ELMO1: variants seen among roughly 807,000 people sequenced by gnomAD.
The protein encoded by ELMO1 is engulfment and cell motility 1.
ELMO1 carries 26 observed loss-of-function variants against 98.9 expected under a neutral mutation model. That is an observed-to-expected ratio of 0.26 (90% CI 0.19 to 0.36). The LOEUF (loss-of-function observed/expected upper bound fraction) is 0.36. ELMO1 is among the 10% of genes least tolerant of loss of function. The probability of loss-of-function intolerance (pLI) is 1.00; values close to 1 mark genes in which losing one functional copy is unlikely to be tolerated. For missense variants in ELMO1, 627 were observed against 935.2 expected (o/e 0.67, Z 4.30); for synonymous variants, 346 against 346.0 (o/e 1.00, Z 0.00).
intron 1 of ELMO1, among the ~76,000 whole-genome samples, chr7:37,366,868 A>G (rs992359360): frequency 6.6e-6 from 1 of 152,256 alleles, no homozygotes; most frequent in Non-Finnish European, 1.5e-5. Context: ...ACAAGAGCGA[A>G]GCCCAGGATG....
chr7:36,931,794 G>A (rs894061244), intron 16 of ELMO1, among the ~76,000 whole-genome samples: 2 of 152,214 alleles, frequency 1.3e-5, no homozygotes, highest in African/African-American at 4.8e-5. Flanking sequence ...TTGGGCACAC[G>A]TGGAGGGAGA....
chr7:36,934,860 G>A (rs1786375134), intron 16 of ELMO1, among the ~76,000 whole-genome samples: 1 of 152,330 alleles, frequency 6.6e-6, no homozygotes, highest in Non-Finnish European at 1.5e-5. Context: ...TGTCCCCAAG[G>A]TCTAAGCCGA....
intron 8 of ELMO1, among the ~76,000 whole-genome samples, chr7:37,229,264 C>G (rs1417249972): frequency 6.6e-6 from 1 of 152,130 alleles, no homozygotes; most frequent in East Asian, 1.9e-4. Context: ...TAGGGAAAAA[C>G]CAACTCATAA....
intron 1 of ELMO1, among the ~76,000 whole-genome samples, chr7:37,440,677 G>C (rs1446938513): frequency 6.6e-6 from 1 of 150,464 alleles, no homozygotes; most frequent in African/African-American, 2.5e-5. Flanking sequence ...GCTGAGGCAG[G>C]AGAATCGCTT....
At chr7:37,017,519 T>TG (rs1344587571) in intron 15 of ELMO1, among the ~76,000 whole-genome samples, 1 of 152,228 alleles carries the variant, frequency 6.6e-6, no homozygotes, top group Non-Finnish European at 1.5e-5. Flanking sequence ...TGCTGGGCAC[T>TG]GTTCCCAGGA....
At chr7:37,218,723 GA>G (rs538416156) in intron 10 of ELMO1, among the ~76,000 whole-genome samples, 3 of 151,890 alleles carry the variant, frequency 2.0e-5, no homozygotes, top group Admixed American at 1.3e-4. Context: ...CACATTTGGT[GA>G]AAAAAAATGA....
intron 6 of ELMO1, among the ~76,000 whole-genome samples, chr7:37,245,062 C>A (rs1241530509): frequency 2.0e-5 from 3 of 152,204 alleles, no homozygotes; most frequent in African/African-American, 7.2e-5. Context: ...TCTGCCAAAT[C>A]TCTCTGGCTT....
intron 10 of ELMO1, chr7:37,217,667 A>G (rs767263324): frequency 8.8e-6 from 4 of 456,662 alleles, no homozygotes; most frequent in Non-Finnish European, 1.8e-5. Context: ...AGCACAGGAG[A>G]GCAGGGCCCA....
intron 13 of ELMO1, chr7:37,204,097 G>A (rs1360990244): frequency 5.5e-5 from 25 of 456,316 alleles, no homozygotes; most frequent in Admixed American, 3.3e-4. Context: ...AAAGGGGTCC[G>A]ACGGTACTCA....
intron 16 of ELMO1, among the ~76,000 whole-genome samples, chr7:36,937,891 AG>A (rs760987084): frequency 1.3e-5 from 2 of 152,220 alleles, no homozygotes; most frequent in Non-Finnish European, 2.9e-5. Flanking sequence ...AACACTCTCT[AG>A]TGGCCCCTGA....
At chr7:36,888,977 T>C (rs1805293143) in intron 17 of ELMO1, among the ~76,000 whole-genome samples, 1 of 152,212 alleles carries the variant, frequency 6.6e-6, no homozygotes, top group African/African-American at 2.4e-5. Flanking sequence ...AAAGTATTAA[T>C]GTCATCATTC....
At chr7:37,267,042 C>T (rs962017610) in intron 5 of ELMO1, among the ~76,000 whole-genome samples, 11,572 of 29,482 alleles carry the variant, frequency 0.39, 1,665 homozygotes, top group African/African-American at 0.51. Context: ...TATATATACA[C>T]ACACACACAC....
chr7:36,921,035 C>G (rs939866054), intron 16 of ELMO1, among the ~76,000 whole-genome samples: 25 of 152,158 alleles, frequency 1.6e-4, no homozygotes, highest in Admixed American at 3.3e-4. Context: ...AAAAGAGGTC[C>G]AAGGGAGCTT....
chr7:37,204,968 T>C (rs1179114455), intron 13 of ELMO1, among the ~76,000 whole-genome samples: 6 of 152,048 alleles, frequency 3.9e-5, no homozygotes, highest in Admixed American at 2.0e-4. Context: ...AGACAGCTGA[T>C]TGGTGCATTT....
At chr7:37,237,040 C>T (rs1338487338) in intron 7 of ELMO1, among the ~76,000 whole-genome samples, 1 of 152,194 alleles carries the variant, frequency 6.6e-6, no homozygotes, top group Non-Finnish European at 1.5e-5. Flanking sequence ...TTGTGCAGTA[C>T]TGACAGCCAC....
intron 1 of ELMO1, among the ~76,000 whole-genome samples, chr7:37,374,068 G>A (rs899841395): frequency 6.6e-5 from 10 of 152,176 alleles, no homozygotes; most frequent in South Asian, 6.2e-4. Context: ...GAGAGCTAAC[G>A]TGGCTGTGGC....
At chr7:37,226,932 T>C (rs1469593856) in intron 8 of ELMO1, among the ~76,000 whole-genome samples, 1 of 152,186 alleles carries the variant, frequency 6.6e-6, no homozygotes, top group Admixed American at 6.5e-5. Context: ...CAGTCTAGTA[T>C]GGACAGATAA....
At chr7:37,033,654 CAG>C (rs1256321290) in intron 15 of ELMO1, among the ~76,000 whole-genome samples, 2 of 152,096 alleles carry the variant, frequency 1.3e-5, no homozygotes, top group Non-Finnish European at 2.9e-5. Context: ...GTTTTGATGA[CAG>C]ATGTTTCTGA....
intron 15 of ELMO1, among the ~76,000 whole-genome samples, chr7:37,044,933 A>G (rs1257911432): frequency 6.6e-6 from 1 of 152,172 alleles, no homozygotes; most frequent in Non-Finnish European, 1.5e-5. Flanking sequence ...TTATTTTTTA[A>G]TTTCCACGCT....
Sources: allele counts gnomAD v4.1 joint callset (sites outside exome capture counted in the v4.1 genomes callset), GRCh38; gene constraint gnomAD v4.1.1; transcripts MANE v1.5; gene names NCBI Gene and HGNC (gene_info 2026-07-23, HGNC 2026-07-21).